The following FSTL4 variants were observed in gnomAD, a reference collection of about 807,000 sequenced individuals.
The protein encoded by FSTL4 is follistatin like 4, also known as follistatin-related protein 4.
FSTL4 carries 28 observed loss-of-function variants against 78.2 expected under a neutral mutation model. That is an observed-to-expected ratio of 0.36 (90% CI 0.27 to 0.49). The LOEUF (loss-of-function observed/expected upper bound fraction) is 0.49. Among genes scored for constraint, FSTL4 ranks in the 20% least tolerant of loss-of-function variants. The probability of loss-of-function intolerance (pLI) is 0.98; values close to 1 mark genes in which losing one functional copy is unlikely to be tolerated. For missense variants in FSTL4, 922 were observed against 1,084.9 expected, an observed-to-expected ratio of 0.85 and a Z score of 2.11; for synonymous variants, 422 against 440.5, an observed-to-expected ratio of 0.96 and a Z score of 0.53.
At chr5:133,207,476 T>C (rs966533438) in intron 14 of FSTL4, among the ~76,000 whole-genome samples, 2 of 152,248 alleles carry the variant, frequency 1.3e-5, no homozygotes, top group Non-Finnish European at 2.9e-5. Flanking sequence ...TTAAACCCAG[T>C]CTGCTCATCT....
the FSTL4 span, among the ~76,000 whole-genome samples, chr5:133,678,832 G>A: frequency 3.3e-4 from 51 of 152,254 alleles, no homozygotes; most frequent in South Asian, 0.01. Flanking sequence ...GCCTGGAGAA[G>A]TCAGTATTTT....
At chr5:133,785,556 T>C in the FSTL4 span, among the ~76,000 whole-genome samples, 1 of 152,162 alleles carries the variant, frequency 6.6e-6, no homozygotes, top group Non-Finnish European at 1.5e-5. Flanking sequence ...GGGCAAGCAC[T>C]TGTTTTTCTT....
the FSTL4 span, among the ~76,000 whole-genome samples, chr5:133,619,547 T>G: frequency 7.2e-5 from 11 of 152,222 alleles, no homozygotes; most frequent in Non-Finnish European, 1.6e-4. Context: ...CATGTCGAGA[T>G]GCGTTTTGTA....
the FSTL4 span, among the ~76,000 whole-genome samples, chr5:133,834,279 T>A: frequency 6.6e-6 from 1 of 152,138 alleles, no homozygotes; most frequent in Non-Finnish European, 1.5e-5. Flanking sequence ...GGGCACCCCC[T>A]TTGACTAAGC....
rs553137116 is a variant in FSTL4 at position 133,211,727 on chromosome 5, C to T, written c.1609-1429G>A. Among the ~76,000 whole-genome samples the T allele has an allele frequency of 6.6e-5, 10 of 152,276 alleles. No individual in the cohort carries two copies. The South Asian group carries it at 1.0e-3, about 16-fold the overall frequency. Reference sequence around the variant, plus strand: ...CCCTTCCTTACCTCACGTGGCCTCCCGCCTCCCTGGCTTCTCCTCTTCATT... The same window carrying T: ...CCCTTCCTTACCTCACGTGGCCTCCTGCCTCCCTGGCTTCTCCTCTTCATT... On this transcript the variant is annotated intron_variant, in intron 13 of 15. Transcript: ENST00000265342.
the FSTL4 span, among the ~76,000 whole-genome samples, chr5:133,671,223 C>T: frequency 2.0e-5 from 3 of 152,028 alleles, no homozygotes; most frequent in African/African-American, 7.2e-5. Context: ...ATGAGACAGC[C>T]CCACCAAGAC....
the FSTL4 span, among the ~76,000 whole-genome samples, chr5:133,747,576 A>G: frequency 6.6e-6 from 1 of 152,206 alleles, no homozygotes; most frequent in South Asian, 2.1e-4. Context: ...TGAGGCTCCC[A>G]AAGTCTATTA....
At chr5:133,217,188 C>A (rs1750936743) in intron 13 of FSTL4, 41 bp downstream of exon 13, 2 of 1,565,534 alleles carry the variant, frequency 1.3e-6, no homozygotes, top group Non-Finnish European at 1.8e-6. Context: ...AGGCTGTGCC[C>A]CAGAATTTGA....
chr5:133,785,436 C>A, the FSTL4 span, among the ~76,000 whole-genome samples: 1 of 152,210 alleles, frequency 6.6e-6, no homozygotes, highest in African/African-American at 2.4e-5. Flanking sequence ...GGAACCTCTA[C>A]ATGCCCAGCT....
At chr5:133,667,377 GACTT>G in the FSTL4 span, among the ~76,000 whole-genome samples, 3 of 152,184 alleles carry the variant, frequency 2.0e-5, no homozygotes, top group Non-Finnish European at 4.4e-5. Context: ...CCTACAATCT[GACTT>G]TAACACTGCA....
At chr5:133,806,210 C>T in the FSTL4 span, among the ~76,000 whole-genome samples, 3 of 152,126 alleles carry the variant, frequency 2.0e-5, no homozygotes, top group East Asian at 1.9e-4. Flanking sequence ...CTAATGGAGT[C>T]GTTCTTTGAC....
At chr5:133,759,837 A>ATC in the FSTL4 span, among the ~76,000 whole-genome samples, 2 of 152,264 alleles carry the variant, frequency 1.3e-5, no homozygotes, top group African/African-American at 2.4e-5. Flanking sequence ...ATTCTATTGT[A>ATC]GATGAGATGA....
At chr5:133,782,275 T>C in the FSTL4 span, among the ~76,000 whole-genome samples, 1 of 152,270 alleles carries the variant, frequency 6.6e-6, no homozygotes, top group African/African-American at 2.4e-5. Flanking sequence ...CTACAACTGC[T>C]GCTGTTAACA....
At chr5:133,381,795 A>G (rs1755580087) in intron 4 of FSTL4, among the ~76,000 whole-genome samples, 1 of 152,214 alleles carries the variant, frequency 6.6e-6, no homozygotes, top group Non-Finnish European at 1.5e-5. Flanking sequence ...GGACACAGCT[A>G]TGTGCAGGGT....
chr5:133,645,579 C>G, the FSTL4 span, among the ~76,000 whole-genome samples: 2 of 152,132 alleles, frequency 1.3e-5, no homozygotes, highest in Admixed American at 6.6e-5. Context: ...CAGAAGGATA[C>G]ATCCATGTCC....
intron 7 of FSTL4, among the ~76,000 whole-genome samples, chr5:133,242,562 A>C (rs1335357122): frequency 1.3e-5 from 2 of 152,174 alleles, no homozygotes; most frequent in Non-Finnish European, 2.9e-5. Flanking sequence ...AAGAGGGGAA[A>C]GAGGACCTCG....
chr5:133,503,466 C>A (rs1216435814), intron 3 of FSTL4, among the ~76,000 whole-genome samples: 4 of 152,104 alleles, frequency 2.6e-5, no homozygotes, highest in African/African-American at 9.7e-5. Context: ...GATCATAAAG[C>A]AAATGGAGGA....
the FSTL4 span, among the ~76,000 whole-genome samples, chr5:133,833,133 G>A: frequency 7.2e-5 from 11 of 152,158 alleles, no homozygotes; most frequent in East Asian, 1.5e-3. Context: ...CTCTGTCATC[G>A]GTCCAGGTCC....
chr5:133,520,276 C>T (rs185673186), intron 3 of FSTL4, among the ~76,000 whole-genome samples: 6 of 152,210 alleles, frequency 3.9e-5, no homozygotes, highest in East Asian at 1.9e-4. Context: ...GCAGTAGAGA[C>T]GGCCCTGTGC....
Sources: allele counts gnomAD v4.1 joint callset (sites outside exome capture counted in the v4.1 genomes callset), GRCh38; gene constraint gnomAD v4.1.1; transcripts MANE v1.5; gene names NCBI Gene and HGNC (gene_info 2026-07-23, HGNC 2026-07-21).